RBFOX2: variants seen among roughly 807,000 people sequenced by gnomAD.
RBFOX2 encodes RNA binding fox-1 homolog 2, also known as RNA binding protein fox-1 homolog 2.
In RBFOX2, 10 loss-of-function variants were observed where a neutral mutation model predicts 49.1. The observed-to-expected ratio is 0.20, with a 90% CI of 0.13 to 0.35. RBFOX2 has a LOEUF of 0.35. RBFOX2 is among the 10% of genes least tolerant of loss of function. RBFOX2 has a pLI of 1.00. For synonymous variants in RBFOX2, 183 were observed against 187.4 expected (o/e 0.98, Z 0.19); for missense variants, 323 against 486.9 (o/e 0.66, Z 3.17).
At chr22:35,940,921 G>A (rs115012517), upstream of RBFOX2, among the ~76,000 whole-genome samples, 391 of 152,218 alleles carry the variant, frequency 2.6e-3, 4 homozygotes, top group African/African-American at 9.2e-3. Context: ...AGGGACTAGC[G>A]GGAAGAAATG....
intron 1 of RBFOX2, among the ~76,000 whole-genome samples, chr22:35,903,799 A>G (rs565496497): frequency 6.6e-6 from 1 of 152,180 alleles, no homozygotes; most frequent in Admixed American, 6.5e-5. Flanking sequence ...CCAAGCCACC[A>G]TCATCTCTTT....
chr22:36,015,477 TA>T (rs1951620505), intron 1 of RBFOX2, among the ~76,000 whole-genome samples: 2 of 152,244 alleles, frequency 1.3e-5, no homozygotes, highest in Non-Finnish European at 2.9e-5. Flanking sequence ...CCACTAACAG[TA>T]ACCATGTTCC....
intron 4 of RBFOX2, among the ~76,000 whole-genome samples, chr22:35,775,860 A>AAAAAAAAAAAAAGAAC (rs1555896239): frequency 6.7e-6 from 1 of 149,130 alleles, no homozygotes; most frequent in African/African-American, 2.5e-5. Flanking sequence ...AAAAAAAAAA[A>AAAAAAAAAAAAAGAAC]AGAAAAGAAA....
chr22:35,873,764 C>T (rs1234094344), intron 1 of RBFOX2, among the ~76,000 whole-genome samples: 3 of 152,174 alleles, frequency 2.0e-5, no homozygotes, highest in African/African-American at 7.2e-5. Flanking sequence ...GCAACTTCTG[C>T]CTCCCTGGTT....
Position 35,798,095 on chromosome 22 carries a change from C to G in RBFOX2, c.252+11685G>C, listed in dbSNP as rs375356084. 5.1e-4 allele frequency among the ~76,000 whole-genome samples: 77 copies of G among 152,318 alleles called. No homozygotes were observed. The South Asian group carries it at 0.015, about 30-fold the overall frequency. ...AGTTTAAGCGATTCTCCTGCCTCAG[C>G]CTCCCAAGTAGCTGGGATTACAGGC... On this transcript the variant is annotated intron_variant, in intron 2 of 11. Transcript: ENST00000405409.
At chr22:35,742,132 C>G (rs965828694) in exon 12 of RBFOX2, 5 of 152,224 alleles carry the variant, frequency 3.3e-5, no homozygotes, top group African/African-American at 1.2e-4. Flanking sequence ...ATTGTCTTAA[C>G]AGCAACAAAC....
chr22:35,971,607 A>T lies in RBFOX2; in HGVS notation c.187-32710T>A, dbSNP rs927846045. On this transcript the variant is annotated intron_variant, in intron 1 of 13. Coordinates refer to the RBFOX2 transcript ENST00000438146. ...TCTCCCCTCCTTTTAACATTCCCTG[A>T]AAACAAATATAGAAAAGATTAGAAA... Among the ~76,000 whole-genome samples, 15 of 152,152 alleles carry T rather than the reference A, an allele frequency of 9.9e-5. 1 individual carries two copies. Among genetic ancestry groups the T allele is most frequent in the African/African-American group, 1.7e-4 (7 of 41,438 alleles).
chr22:35,822,960 A>G (rs990836304), intron 1 of RBFOX2: 5 of 329,362 alleles, frequency 1.5e-5, no homozygotes, highest in African/African-American at 1.1e-4. Flanking sequence ...AGTAGCTGGG[A>G]TTATAGGCAC....
upstream of RBFOX2, chr22:35,938,936 A>T: frequency 6.4e-7 from 1 of 1,562,744 alleles, no homozygotes; most frequent in Non-Finnish European, 8.8e-7. Context: ...CCATGAGATG[A>T]AAGAAAATGT....
At chr22:35,811,012 AC>A (rs1951771165) in intron 1 of RBFOX2, among the ~76,000 whole-genome samples, 1 of 152,240 alleles carries the variant, frequency 6.6e-6, no homozygotes, top group African/African-American at 2.4e-5. Flanking sequence ...AATGGTAGTG[AC>A]CTACCTTGAA....
At chr22:36,008,880 A>G (rs2058712836) in intron 1 of RBFOX2, among the ~76,000 whole-genome samples, 1 of 152,190 alleles carries the variant, frequency 6.6e-6, no homozygotes, top group Non-Finnish European at 1.5e-5. Flanking sequence ...TCCTACCTTA[A>G]AGTAAAATAT....
intron 1 of RBFOX2, among the ~76,000 whole-genome samples, chr22:35,976,205 TCA>T (rs2057140570): frequency 1.3e-5 from 2 of 152,226 alleles, no homozygotes; most frequent in Admixed American, 6.5e-5. Context: ...TCAGCTAGGT[TCA>T]ACACTTTTCA....
intron 1 of RBFOX2, among the ~76,000 whole-genome samples, chr22:35,944,535 T>C (rs2054058927): frequency 6.6e-6 from 1 of 152,168 alleles, no homozygotes; most frequent in African/African-American, 2.4e-5. Flanking sequence ...CAAAGAAAAC[T>C]TAACAATACT....
At chr22:36,004,143 T>C (rs1355790126) in intron 1 of RBFOX2, among the ~76,000 whole-genome samples, 8 of 152,132 alleles carry the variant, frequency 5.3e-5, no homozygotes, top group African/African-American at 1.7e-4. Context: ...TACATCATTC[T>C]TTCCACTTCC....
At chr22:35,801,447 ACTCT>A (rs533761207) in intron 2 of RBFOX2, among the ~76,000 whole-genome samples, 1,729 of 117,812 alleles carry the variant, frequency 0.015, 10 homozygotes, top group Middle Eastern at 0.03. Context: ...ACACACACAC[ACTCT>A]CTCTCTCTCT....
intron 1 of RBFOX2, among the ~76,000 whole-genome samples, chr22:35,821,251 A>G (rs538850763): frequency 6.6e-6 from 1 of 152,212 alleles, no homozygotes; most frequent in South Asian, 2.1e-4. Flanking sequence ...TCTTTATCAA[A>G]TTAACACATG....
exon 1 of RBFOX2, chr22:36,028,279 G>A: frequency 6.5e-7 from 1 of 1,535,056 alleles, no homozygotes; most frequent in Non-Finnish European, 8.7e-7. Flanking sequence ...CCTCCTCAGT[G>A]CGCGGCCGCT....
At chr22:35,819,546 C>G (rs1049288804) in intron 1 of RBFOX2, among the ~76,000 whole-genome samples, 2 of 152,202 alleles carry the variant, frequency 1.3e-5, no homozygotes, top group Admixed American at 1.3e-4. Flanking sequence ...AAATCCTAGA[C>G]TGCCAATGTT....
At chr22:35,744,814 C>T (rs1339050053) in intron 11 of RBFOX2, among the ~76,000 whole-genome samples, 1 of 152,210 alleles carries the variant, frequency 6.6e-6, no homozygotes, top group East Asian at 1.9e-4. Context: ...GACATATTCA[C>T]ATTTACATAT....
Sources: allele counts gnomAD v4.1 joint callset (sites outside exome capture counted in the v4.1 genomes callset), GRCh38; gene constraint gnomAD v4.1.1; transcripts MANE v1.5; gene names NCBI Gene and HGNC (gene_info 2026-07-23, HGNC 2026-07-21).